The following GLRA3 variants were observed in gnomAD, a reference collection of about 807,000 sequenced individuals.
GLRA3 encodes glycine receptor subunit alpha-3.
GLRA3 carries 44 observed loss-of-function variants against 60.4 expected under a neutral mutation model. That is an observed-to-expected ratio of 0.73 (90% CI 0.57 to 0.94). The LOEUF (loss-of-function observed/expected upper bound fraction) is 0.94, where lower values mean the gene tolerates loss of function less well. GLRA3 is among the 40% of genes least tolerant of loss of function. The pLI, the probability that GLRA3 is intolerant of heterozygous loss-of-function variation, is 0.00. For synonymous variants in GLRA3, 223 were observed against 192.9 expected (o/e 1.16, Z -1.29); for missense variants, 508 against 564.6 (o/e 0.90, Z 1.02).
At chr4:174,791,864 T>TC (rs1187163619) in intron 1 of GLRA3, among the ~76,000 whole-genome samples, 1 of 152,224 alleles carries the variant, frequency 6.6e-6, no homozygotes, top group East Asian at 1.9e-4. Context: ...GTTGTTGCTC[T>TC]TTTTTAAATG....
At chr4:174,715,424 G>C in intron 5 of GLRA3, 64 bp downstream of exon 5, 3 of 770,950 alleles carry the variant, frequency 3.9e-6, no homozygotes, top group Non-Finnish European at 6.9e-6. Flanking sequence ...TCCATATTAG[G>C]CATTAAAAGC....
At chr4:174,823,078 A>G (rs1038204847) in intron 1 of GLRA3, among the ~76,000 whole-genome samples, 1 of 152,134 alleles carries the variant, frequency 6.6e-6, no homozygotes, top group Admixed American at 6.5e-5. Context: ...AGCTCATTCC[A>G]TATATACACT....
At chr4:174,657,218 T>G (rs1468410486) in intron 8 of GLRA3, among the ~76,000 whole-genome samples, 1 of 152,152 alleles carries the variant, frequency 6.6e-6, no homozygotes, top group East Asian at 1.9e-4. Context: ...AAAATAATTT[T>G]TTAAAAGAAG....
Position 174,643,363 on chromosome 4 carries a change from GAA to G in GLRA3, c.*421_*422del. The stretch of plus-strand genomic sequence containing the variant: ...TTCCCATTTTGTAACTATACTATAA[GAA>G]AATAGTTTTAAATCTCAAACTATTG... On this transcript the variant is annotated 3_prime_UTR_variant, in exon 10 of 10. Transcript: ENST00000274093. 2.8e-6 allele frequency: 1 copy of G among 359,902 alleles called. No individual in the cohort carries two copies. The highest frequency in any genetic ancestry group is 3.1e-6 in the Non-Finnish European group (1 of 322,450). 22.3% of individuals were successfully genotyped at this position (359,902 alleles called of 1,614,324 possible).
intron 1 of GLRA3, among the ~76,000 whole-genome samples, chr4:174,790,702 C>T (rs1739300533): frequency 1.3e-5 from 2 of 151,366 alleles, no homozygotes; most frequent in Admixed American, 6.6e-5. Flanking sequence ...AGACGATGGC[C>T]GGGTGCGGTG....
At chr4:174,786,480 T>C (rs557094817) in intron 2 of GLRA3, among the ~76,000 whole-genome samples, 1 of 152,294 alleles carries the variant, frequency 6.6e-6, no homozygotes, top group Non-Finnish European at 1.5e-5. Context: ...TGTTAGGTAT[T>C]GGATTCAGTT....
chr4:174,767,106 T>C lies in GLRA3; in HGVS notation c.200-76A>G, dbSNP rs1323580650. 1.6e-5 allele frequency: 12 copies of C among 750,970 alleles called. No homozygotes were observed. The South Asian group carries it at 1.8e-4, about 12-fold the overall frequency. The allele number at this position is 750,970 out of a possible 1,614,324, so 46.5% of individuals were successfully genotyped here. A position where few individuals can be genotyped will look rare whatever the true frequency, so the allele number is the denominator to read the frequency against. ...TTTTCAAATAATTCCTTGCATTCCA[T>C]TATTATTATTCCATTTTACACACAC... is the stretch of plus-strand genomic sequence containing the variant. On this transcript the variant is annotated intron_variant, in intron 2 of 9. Coordinates refer to ENST00000274093, the MANE Select transcript of GLRA3 (RefSeq NM_006529.4).
At chr4:174,666,538 A>G (rs189686871) in intron 7 of GLRA3, among the ~76,000 whole-genome samples, 29 of 152,060 alleles carry the variant, frequency 1.9e-4, no homozygotes, top group Non-Finnish European at 2.5e-4. Flanking sequence ...ATAAATGATC[A>G]ATAGAGTACA....
chr4:174,642,874 G>T lies in GLRA3; in HGVS notation c.*912C>A. 1 of 703,306 alleles carries T rather than the reference G, an allele frequency of 1.4e-6. No individual in the cohort carries two copies. The highest frequency in any genetic ancestry group is 1.7e-6 in the Non-Finnish European group (1 of 575,226). The allele number at this position is 703,306 out of a possible 1,614,324, so 43.6% of individuals were successfully genotyped here. A position where few individuals can be genotyped will look rare whatever the true frequency, so the allele number is the denominator to read the frequency against. On this transcript the variant is annotated 3_prime_UTR_variant, in exon 10 of 10. Transcript: ENST00000274093. ...AAAATGTAAATACTTTAATCCCATTGAATTTTAAAGTCACATTCTAAACTA... is the reference window on the plus strand; with the variant it reads ...AAAATGTAAATACTTTAATCCCATTTAATTTTAAAGTCACATTCTAAACTA...
intron 1 of GLRA3, among the ~76,000 whole-genome samples, chr4:174,790,140 T>C (rs1739268625): frequency 6.6e-6 from 1 of 152,176 alleles, no homozygotes; most frequent in African/African-American, 2.4e-5. Context: ...ACACTATCTA[T>C]TAGCTGTTGC....
At chr4:174,743,961 G>T (rs1291773396) in intron 3 of GLRA3, among the ~76,000 whole-genome samples, 5 of 152,114 alleles carry the variant, frequency 3.3e-5, no homozygotes, top group African/African-American at 1.2e-4. Context: ...GCCATTGTAG[G>T]CTGGGACAGG....
intron 7 of GLRA3, among the ~76,000 whole-genome samples, chr4:174,673,180 A>G (rs1400735572): frequency 6.6e-6 from 1 of 152,138 alleles, no homozygotes; most frequent in African/African-American, 2.4e-5. Context: ...GGTAAGGTGT[A>G]TATAATATTG....
At chr4:174,659,287 T>C (rs893413315) in intron 7 of GLRA3, 90 bp from the exon 8 acceptor site, 2 of 914,418 alleles carry the variant, frequency 2.2e-6, no homozygotes, top group African/African-American at 1.7e-5. Flanking sequence ...TTCTGAATTA[T>C]GTCATTTATA....
intron 5 of GLRA3, among the ~76,000 whole-genome samples, chr4:174,691,349 A>G (rs997262232): frequency 6.6e-6 from 1 of 151,886 alleles, no homozygotes; most frequent in African/African-American, 2.4e-5. Flanking sequence ...TCTTCTTTTG[A>G]AAAGTGTCTG....
intron 7 of GLRA3, among the ~76,000 whole-genome samples, chr4:174,676,531 A>C (rs1272812263): frequency 1.3e-5 from 2 of 152,232 alleles, no homozygotes; most frequent in East Asian, 3.9e-4. Flanking sequence ...ATGTGTGTGT[A>C]TGTGTTTGTG....
At position 174,767,009 on chromosome 4, in the gene GLRA3, C is replaced by T; in HGVS notation, c.221G>A (p.Cys74Tyr). ...NFKGPPVNVT[C>Y]NIFINSFGSI... ...GCCAAAGCTGTTGATGAATATGTTG[C>T]ATGTGACATTAACTGGAGGGCCTGA... The change falls in exon 3 of 10, where the codon TGC becomes TAC. Residue 74 changes from cysteine to tyrosine, a missense_variant. Transcript: ENST00000274093. The T allele has an allele frequency of 6.2e-7, 1 of 1,600,678 alleles. No individual in the cohort carries two copies. The highest frequency in any genetic ancestry group is 1.1e-5 in the South Asian group (1 of 90,436).
In GLRA3 at chr4:174,659,094, T is replaced by G; in HGVS notation, c.1031A>C (p.His344Pro). 1 of 1,613,248 alleles carries G rather than the reference T, an allele frequency of 6.2e-7. No homozygotes were observed. The highest frequency in any genetic ancestry group is 8.5e-7 in the Non-Finnish European group (1 of 1,179,416). Residue 344 changes from histidine to proline, a missense_variant, in exon 8 of 10, where the codon CAC (histidine) becomes CCC (proline). His to Pro is a moderately conservative substitution (Grantham distance 77). Coordinates refer to ENST00000274093, the MANE Select transcript of GLRA3 (RefSeq NM_006529.4). ...YAAVNFVSRQ[H>P]KELLRFRRKR... The stretch of plus-strand genomic sequence containing the variant: ...TCGTCGAAATCTCAGAAGTTCTTTG[T>G]GTTGTCTTGATACAAAATTTACAGC...
chr4:174,650,504 G>A (rs1732987712), intron 9 of GLRA3, among the ~76,000 whole-genome samples: 1 of 152,276 alleles, frequency 6.6e-6, no homozygotes, highest in Non-Finnish European at 1.5e-5. Context: ...CTGTCAGCAG[G>A]TATAAGCTAC....
intron 7 of GLRA3, among the ~76,000 whole-genome samples, chr4:174,659,742 C>T (rs779397679): frequency 6.6e-6 from 1 of 151,888 alleles, no homozygotes; most frequent in Non-Finnish European, 1.5e-5. Context: ...TATGCCAAGG[C>T]GGGTGGATCA....
Sources: allele counts gnomAD v4.1 joint callset (sites outside exome capture counted in the v4.1 genomes callset), GRCh38; gene constraint gnomAD v4.1.1; transcripts MANE v1.5; gene names NCBI Gene and HGNC (gene_info 2026-07-23, HGNC 2026-07-21).